The following ADGRG5 variants were observed in gnomAD, a reference collection of about 807,000 sequenced individuals.
ADGRG5 encodes the protein adhesion G protein-coupled receptor G5.
Under a neutral mutation model 53.2 loss-of-function variants are expected in ADGRG5, and 37 were observed. The ratio of observed to expected loss-of-function variants is 0.70; its 90% CI spans 0.53 to 0.91. ADGRG5 has a LOEUF of 0.91. Ranked by LOEUF, ADGRG5 falls within the 40% of genes least tolerant of loss-of-function variation. The pLI, the probability that ADGRG5 is intolerant of heterozygous loss-of-function variation, is 0.00. For synonymous variants in ADGRG5, 277 were observed against 290.4 expected (o/e 0.95, Z 0.47); for missense variants, 614 against 675.8 (o/e 0.91, Z 1.01).
intron 7 of ADGRG5, among the ~76,000 whole-genome samples, chr16:57,567,201 C>T (rs1312943433): frequency 6.6e-6 from 1 of 152,200 alleles, no homozygotes; most frequent in Non-Finnish European, 1.5e-5. Context: ...GGCCTGGCAC[C>T]CCTTTCTGCA....
chr16:57,559,292 G>A (rs2032950398), intron 1 of ADGRG5, among the ~76,000 whole-genome samples: 1 of 152,214 alleles, frequency 6.6e-6, no homozygotes, highest in Non-Finnish European at 1.5e-5. Context: ...CCAGGGTGCA[G>A]GTGTTTATCT....
intron 1 of ADGRG5, 148 bp from the exon 2 acceptor site, chr16:57,561,908 G>T (rs2033010197): frequency 2.2e-6 from 1 of 463,134 alleles, no homozygotes; most frequent in Admixed American, 3.9e-5. Flanking sequence ...AAGACCCTTT[G>T]CCCTTCATCC....
At position 57,565,123 on chromosome 16, in the gene ADGRG5, C is replaced by T. The variant is rs780051609; in HGVS notation, c.519C>T (p.Asn173=). 6.2e-7 allele frequency: 1 copy of T among 1,613,462 alleles called. No individual in the cohort carries two copies. Among genetic ancestry groups the T allele is most frequent in the African/African-American group, 1.3e-5 (1 of 75,004 alleles). ...GHVNNLRDPV[N]ISFWHNQSLE... ...TGAACAACCTCAGGGATCCTGTGAACATCAGCTTCTGGCACAACCAAAGCC... is the reference window on the plus strand; with the variant it reads ...TGAACAACCTCAGGGATCCTGTGAATATCAGCTTCTGGCACAACCAAAGCC... The change falls in exon 6 of 12, where the codon AAC becomes AAT. Residue 173 remains asparagine (N), a synonymous_variant. Coordinates refer to ENST00000349457, the MANE Select transcript of ADGRG5 (RefSeq NM_001304376.3).
At chr16:57,535,715 T>G in the ADGRG5 span, among the ~76,000 whole-genome samples, 7,047 of 143,864 alleles carry the variant, frequency 0.049, 508 homozygotes, top group African/African-American at 0.16. Flanking sequence ...GCTCCATCAC[T>G]GATATGCTGT....
At position 57,566,750 on chromosome 16, in the gene ADGRG5, TG is replaced by T; in HGVS notation, c.699+1del. ...CACCTCACCTACTTTGCTGTTCTCA[TG>T]GTATGTATGCATCCTGAGTGGGGCT... is the stretch of plus-strand genomic sequence containing the variant. Reference protein sequence around the residue: ...CNHLTYFAVLMQLSPALVPAE... With the variant: ...CNHLTYFAVLXQLSPALVPAE... On this transcript the variant is annotated frameshift_variant and splice_region_variant, in exon 7 of 12. Coordinates refer to ENST00000349457, the MANE Select transcript of ADGRG5 (RefSeq NM_001304376.3). LOFTEE classifies it high-confidence loss of function. The T allele has an allele frequency of 6.6e-7, 1 of 1,519,272 alleles. No individual in the cohort carries two copies. Among genetic ancestry groups the T allele is most frequent in the Non-Finnish European group, 8.8e-7 (1 of 1,133,006 alleles). 94.1% of individuals were successfully genotyped at this position (1,519,272 alleles called of 1,614,324 possible).
At chr16:57,549,411 T>C (rs1422016340) in intron 1 of ADGRG5, among the ~76,000 whole-genome samples, 1 of 152,198 alleles carries the variant, frequency 6.6e-6, no homozygotes, top group Non-Finnish European at 1.5e-5. Context: ...AAACACATAT[T>C]TTGAGTTTTG....
Position 57,565,024 on chromosome 16 carries a change from G to C in ADGRG5, c.430-10G>C. The stretch of plus-strand genomic sequence containing the variant: ...CCCTCCACTCAGCCCTTCTCCTGCT[G>C]CCCTTCCAGGATGAAAACAACTCAT... On this transcript the variant is annotated splice_polypyrimidine_tract_variant and intron_variant, in intron 5 of 11. Coordinates refer to ENST00000349457, the MANE Select transcript of ADGRG5 (RefSeq NM_001304376.3). 6.3e-7 allele frequency: 1 copy of C among 1,578,904 alleles called. No homozygotes were observed. The highest frequency in any genetic ancestry group is 8.7e-7 in the Non-Finnish European group (1 of 1,148,600).
Position 57,563,836 on chromosome 16 carries a change from G to T in ADGRG5, c.298-12G>T. 1 of 1,613,146 alleles carries T rather than the reference G, an allele frequency of 6.2e-7. No individual in the cohort carries two copies. The highest frequency in any genetic ancestry group is 1.1e-5 in the South Asian group (1 of 90,958). On this transcript the variant is annotated splice_polypyrimidine_tract_variant and intron_variant, in intron 4 of 11. Transcript: ENST00000349457. ...CCTGGTTGCCAAACAGCCTGTTTGC[G>T]ACCCTCTGCAGGCAGGAGGTCAGCA...
At chr16:57,552,980 G>A (rs998528247) in intron 1 of ADGRG5, among the ~76,000 whole-genome samples, 1 of 152,216 alleles carries the variant, frequency 6.6e-6, no homozygotes, top group South Asian at 2.1e-4. Context: ...GGAACAGCTA[G>A]TTGGTGGAGC....
intron 4 of ADGRG5, 34 bp from the exon 5 acceptor site, chr16:57,563,814 G>C: frequency 6.2e-7 from 1 of 1,612,140 alleles, no homozygotes; most frequent in Non-Finnish European, 8.5e-7. Flanking sequence ...TCCAGGTCCT[G>C]GTTGCCAAAC....
chr16:57,574,992 C>T lies in ADGRG5; in HGVS notation c.1386C>T (p.Leu462=). 5.0e-6 allele frequency: 8 copies of T among 1,613,998 alleles called. No homozygotes were observed. The highest frequency in any genetic ancestry group is 6.8e-6 in the Non-Finnish European group (8 of 1,180,012). The change falls in exon 11 of 12, where the codon CTC becomes CTT. Residue 462 remains leucine (L), a synonymous_variant. Coordinates refer to ENST00000349457, the MANE Select transcript of ADGRG5 (RefSeq NM_001304376.3). This position sits in a 1 kb window ranked among gnomAD's most constrained non-coding sequence, Gnocchi z 4.4. ...ACHDTVTVLG[L]TVLLGTTWAL... is the part of the protein sequence containing the mutation. ...ATGACACTGTCACTGTGCTGGGCCT[C>T]ACCGTGCTGCTGGGAACCACCTGGG...
In ADGRG5 at chr16:57,567,618, T is replaced by C. The variant is rs1405650390; in HGVS notation, c.821+27T>C. The C allele has an allele frequency of 1.9e-6, 3 of 1,597,254 alleles. No homozygotes were observed. The African/African-American group carries it at 4.0e-5, about 21-fold the overall frequency. On this transcript the variant is annotated intron_variant, in intron 8 of 11. Coordinates refer to ENST00000349457, the MANE Select transcript of ADGRG5 (RefSeq NM_001304376.3). ...TATTCCGCTGCCACAGTGCTGGGCC[T>C]GCCCTGCACTGTGGCACATCACGCT...
chr16:57,565,478 G>A (rs190816894), intron 6 of ADGRG5: 140 of 405,196 alleles, frequency 3.5e-4, no homozygotes, highest in Admixed American at 2.6e-3. Context: ...TTGTGGCTCA[G>A]TCTCTCTCCG....
chr16:57,566,592 C>T lies in ADGRG5; in HGVS notation c.547-7C>T, dbSNP rs1297576428. The T allele has an allele frequency of 1.3e-6, 2 of 1,488,284 alleles. No homozygotes were observed. Among genetic ancestry groups the T allele is most frequent in the Non-Finnish European group, 8.9e-7 (1 of 1,117,982 alleles). The allele number at this position is 1,488,284 out of a possible 1,614,324, so 92.2% of individuals were successfully genotyped here. On this transcript the variant is annotated splice_polypyrimidine_tract_variant and splice_region_variant and intron_variant, in intron 6 of 11. Coordinates refer to ENST00000349457, the MANE Select transcript of ADGRG5 (RefSeq NM_001304376.3). ...CACCCTATGACTGACCCAGCATCTC[C>T]ACCCAGGAAGGCTACACCCTGACCT... is the stretch of plus-strand genomic sequence containing the variant.
intron 8 of ADGRG5, 83 bp from the exon 9 acceptor site, chr16:57,567,773 G>A: frequency 6.7e-7 from 1 of 1,497,654 alleles, no homozygotes; most frequent in East Asian, 2.4e-5. Context: ...CAGTTTCCCT[G>A]TCGGCATGCA....
rs770244767 is a variant in ADGRG5 at position 57,570,494 on chromosome 16, C to T, written c.1167C>T (p.Phe389=). The T allele has an allele frequency of 2.4e-5, 38 of 1,613,580 alleles. No homozygotes were observed. Among genetic ancestry groups the T allele is most frequent in the Admixed American group, 1.0e-4 (6 of 60,022 alleles). The part of the protein sequence containing the change: ...SVYGPCTIPV[F]DSWENGTGFQ... ...ACGGACCCTGCACAATCCCCGTCTT[C>T]GACAGCTGGGAGAATGGCACAGGCT... Residue 389 remains phenylalanine (F), a synonymous_variant, in exon 10 of 12, where the codon TTC becomes TTT. Transcript: ENST00000349457.
the ADGRG5 span, among the ~76,000 whole-genome samples, chr16:57,537,221 A>T: frequency 0.015 from 2,214 of 152,054 alleles, 43 homozygotes; most frequent in African/African-American, 0.051. Context: ...CTTTCTCTCT[A>T]TTGGGGGTAG....
chr16:57,530,098 GA>G, the ADGRG5 span, among the ~76,000 whole-genome samples: 1 of 152,186 alleles, frequency 6.6e-6, no homozygotes. Context: ...TGGGGATGAT[GA>G]TGGAAACAAA....
At chr16:57,529,140 G>A in the ADGRG5 span, 25 of 1,185,056 alleles carry the variant, frequency 2.1e-5, no homozygotes, top group East Asian at 4.4e-4. The surrounding 1 kb of genome is among the most constrained non-coding windows in gnomAD (Gnocchi z 4.1). Context: ...GGACAGCTGC[G>A]GGGACTCGGC....
Sources: gnomAD v4.1 joint callset for allele counts (sites outside exome capture counted in the v4.1 genomes callset) on GRCh38, gnomAD v4.1.1 for gene constraint, Gnocchi (gnomAD v3.1) non-coding constraint, MANE v1.5 for transcripts, NCBI Gene and HGNC (gene_info 2026-07-23, HGNC 2026-07-21) for gene names.